TTC6: variants seen among roughly 807,000 people sequenced by gnomAD.
The protein encoded by TTC6 is tetratricopeptide repeat domain 6, also known as tetratricopeptide repeat protein 6.
Under a neutral mutation model 210.4 loss-of-function variants are expected in TTC6, and 172 were observed. The ratio of observed to expected loss-of-function variants is 0.82; its 90% CI spans 0.72 to 0.93. TTC6 has a LOEUF of 0.93. Among genes scored for constraint, TTC6 ranks in the 40% least tolerant of loss-of-function variants. The probability of loss-of-function intolerance (pLI) is 0.00; values close to 1 mark genes in which losing one functional copy is unlikely to be tolerated. For missense variants in TTC6, 2,414 were observed against 2,318.1 expected (o/e 1.04, Z -0.85); for synonymous variants, 804 against 819.6 (o/e 0.98, Z 0.32).
At chr14:37,708,250 C>G (rs1392587197) in intron 5 of TTC6, among the ~76,000 whole-genome samples, 1 of 151,776 alleles carries the variant, frequency 6.6e-6, no homozygotes, top group East Asian at 1.9e-4. Flanking sequence ...TGATAGCTTA[C>G]AAATCAAATG....
At chr14:37,733,849 G>A (rs2095894343) in intron 7 of TTC6, among the ~76,000 whole-genome samples, 2 of 152,010 alleles carry the variant, frequency 1.3e-5, no homozygotes, top group Non-Finnish European at 2.9e-5. Context: ...CTTGTGCTTG[G>A]TATTGGATTC....
At chr14:37,804,749 G>A (rs17768654) in exon 21 of TTC6, 70,898 of 1,613,926 alleles carry the variant, frequency 0.044, 1,826 homozygotes, top group Non-Finnish European at 0.049. Flanking sequence ...AGATGCCACA[G>A]CAATTTCAGC....
At chr14:37,660,324 C>T (rs1227905988) in intron 1 of TTC6, among the ~76,000 whole-genome samples, 1 of 151,958 alleles carries the variant, frequency 6.6e-6, no homozygotes, top group Non-Finnish European at 1.5e-5. Context: ...ACCTGTCAAC[C>T]CATCACTTAG....
At chr14:37,797,116 G>C (rs1039484803) in intron 20 of TTC6, among the ~76,000 whole-genome samples, 169 bp downstream of exon 22, 1 of 151,872 alleles carries the variant, frequency 6.6e-6, no homozygotes, top group Non-Finnish European at 1.5e-5. Context: ...TTAAGAACAG[G>C]GCTGCCCTAA....
At chr14:37,757,479 TAGTC>T (rs2095971580) in intron 14 of TTC6, among the ~76,000 whole-genome samples, 1 of 152,054 alleles carries the variant, frequency 6.6e-6, no homozygotes, top group South Asian at 2.1e-4. Flanking sequence ...TTCACCGTGT[TAGTC>T]AGGATGATCT....
At chr14:37,739,289 A>C in intron 10 of TTC6, 134 bp downstream of exon 12, 1 of 961,146 alleles carries the variant, frequency 1.0e-6, no homozygotes, top group Non-Finnish European at 1.4e-6. Context: ...TGAAAGACAA[A>C]CCTCTGGCTG....
intron 3 of TTC6, among the ~76,000 whole-genome samples, chr14:37,686,289 C>A (rs2095793577): frequency 6.6e-6 from 1 of 152,170 alleles, no homozygotes; most frequent in African/African-American, 2.4e-5. Context: ...GCACTTAGAA[C>A]AATGCCTGAC....
intron 29 of TTC6, among the ~76,000 whole-genome samples, chr14:37,832,329 C>CTTTT (rs58133834): frequency 7.7e-4 from 53 of 68,880 alleles, no homozygotes; most frequent in African/African-American, 2.2e-3. Flanking sequence ...TTCTTTCTCT[C>CTTTT]TTTTTTTTTT....
At chr14:37,727,588 CA>C (rs2095876182) in intron 7 of TTC6, among the ~76,000 whole-genome samples, 2 of 151,918 alleles carry the variant, frequency 1.3e-5, no homozygotes, top group Non-Finnish European at 2.9e-5. Context: ...CCACCACGCC[CA>C]GACTCTAATT....
intron 3 of TTC6, among the ~76,000 whole-genome samples, chr14:37,691,388 A>C (rs2095803359): frequency 6.6e-6 from 1 of 152,180 alleles, no homozygotes; most frequent in South Asian, 2.1e-4. Context: ...AATCAGTAAC[A>C]AGAATAATTC....
chr14:37,662,432 C>T (rs2095739326), intron 1 of TTC6, among the ~76,000 whole-genome samples: 1 of 152,138 alleles, frequency 6.6e-6, no homozygotes, highest in Non-Finnish European at 1.5e-5. Context: ...GTCTTTAGAT[C>T]TGTTTATATG....
intron 1 of TTC6, among the ~76,000 whole-genome samples, chr14:37,642,624 A>C (rs1003796539): frequency 6.6e-6 from 1 of 152,158 alleles, no homozygotes; most frequent in Non-Finnish European, 1.5e-5. Flanking sequence ...ATGAGTCCCT[A>C]TCTCTTTTTT....
intron 1 of TTC6, among the ~76,000 whole-genome samples, chr14:37,642,567 A>T (rs1305832171): frequency 6.6e-6 from 1 of 152,186 alleles, no homozygotes; most frequent in Non-Finnish European, 1.5e-5. Flanking sequence ...TCTCAAAGTG[A>T]ATACCTGCAA....
chr14:37,668,340 C>T (rs1479342155), intron 1 of TTC6, among the ~76,000 whole-genome samples: 2 of 150,530 alleles, frequency 1.3e-5, no homozygotes, highest in Non-Finnish European at 3.0e-5. Context: ...AACAATATTA[C>T]TATAGCTCTC....
chr14:37,840,437 CT>C (rs1364457761), intron 29 of TTC6, among the ~76,000 whole-genome samples: 3 of 152,250 alleles, frequency 2.0e-5, no homozygotes, highest in African/African-American at 7.2e-5. Flanking sequence ...ACCATTCCTT[CT>C]GAAACTATTC....
chr14:37,687,381 ATAAAT>A (rs1477062576), intron 3 of TTC6, among the ~76,000 whole-genome samples: 1 of 152,118 alleles, frequency 6.6e-6, no homozygotes, highest in African/African-American at 2.4e-5. Context: ...GAGGCTCCAA[ATAAAT>A]TTGAAGGGCA....
At chr14:37,812,394 C>A (rs371963258) in exon 25 of TTC6, 12 of 1,612,926 alleles carry the variant, frequency 7.4e-6, no homozygotes, top group Non-Finnish European at 1.0e-5. Flanking sequence ...ATCGTGGACT[C>A]ATCTACGTAG....
exon 1 of TTC6, chr14:37,622,449 C>T (rs989197226): frequency 2.6e-6 from 4 of 1,535,164 alleles, no homozygotes; most frequent in Middle Eastern, 3.3e-4. Context: ...CGCGTTCCTA[C>T]GGCACCAGGC....
At chr14:37,680,875 T>A (rs942941533) in intron 2 of TTC6, among the ~76,000 whole-genome samples, 2 of 152,152 alleles carry the variant, frequency 1.3e-5, no homozygotes, top group African/African-American at 4.8e-5. Context: ...CAAGCTCCTG[T>A]GGTTCCTGGA....
Sources: gnomAD v4.1 joint callset for allele counts (sites outside exome capture counted in the v4.1 genomes callset) on GRCh38, gnomAD v4.1.1 for gene constraint, MANE v1.5 for transcripts, NCBI Gene and HGNC (gene_info 2026-07-23, HGNC 2026-07-21) for gene names.